The following XIST variants were observed in gnomAD, a reference collection of about 807,000 sequenced individuals.
XIST encodes the protein X inactive specific transcript, also known as X inactive specific transcript (non-protein coding).
At chrX:73,844,136 C>G (rs780982468) in exon 1 of XIST, 1 of 558,199 alleles carries the variant, frequency 1.8e-6, no homozygotes, top group South Asian at 2.2e-5. Context: ...GCACAAGAAC[C>G]AACATAAATG....
Position 73,845,978 on chromosome X carries a change from A to G in XIST, n.6746T>C, listed in dbSNP as rs778075905. On this transcript the variant is annotated non_coding_transcript_exon_variant, in exon 1 of 6. Transcript: ENST00000429829. The stretch of plus-strand genomic sequence containing the variant: ...AGGACCTTATTCAGATGGAATGGGC[A>G]AAGTGGTTATGCACATTAATGTCCA... 7.4e-6 allele frequency: 4 copies of G among 540,024 alleles called. No individual in the cohort carries two copies. In the South Asian group the frequency reaches 9.0e-5, roughly 12 times the overall value. The allele number at this position is 540,024 out of a possible 1,213,427, so 44.5% of individuals were successfully genotyped here.
chrX:73,843,173 T>G (rs375166473), exon 1 of XIST: 1 of 556,363 alleles, frequency 1.8e-6, no homozygotes, highest in Non-Finnish European at 3.2e-6. Context: ...AGGAGAAGTT[T>G]TGAGTAGTCA....
At chrX:73,833,496 T>G (rs772810283) in intron 2 of XIST, 1 of 415,368 alleles carries the variant, frequency 2.4e-6, no homozygotes, top group East Asian at 3.7e-5. Flanking sequence ...CATAGGTATC[T>G]CCTGTCTCTA....
chrX:73,825,260 A>T lies in XIST; in HGVS notation n.14641T>A, dbSNP rs1382719934. ...CATTTTTACTCAAAATTACCAGAGC[A>T]GCAAACACAAATTGGCCTCAAATAT... On this transcript the variant is annotated non_coding_transcript_exon_variant, in exon 6 of 6. Transcript: ENST00000429829. 5.4e-6 allele frequency: 3 copies of T among 559,316 alleles called. No homozygotes were observed. In the Admixed American group the frequency reaches 6.6e-5, roughly 12 times the overall value. 46.1% of individuals were successfully genotyped at this position (559,316 alleles called of 1,213,427 possible).
At chrX:73,841,361 T>C (rs984649420) in intron 1 of XIST, 1 of 466,208 alleles carries the variant, frequency 2.1e-6, no homozygotes, top group African/African-American at 2.4e-5. Flanking sequence ...GATTACTTAA[T>C]AGCTACGAAG....
rs192739877 is a variant in XIST at position 73,832,829 on chromosome X, T to C, written n.11543+409A>G. On this transcript the variant is annotated intron_variant and non_coding_transcript_variant, in intron 3 of 5. Coordinates refer to ENST00000429829, the Ensembl canonical transcript of XIST. The stretch of plus-strand genomic sequence containing the variant: ...ACTCATTATGTAAAGTTAAAATGTA[T>C]GTGTACATGCAAAAGAAAAAGTATA... Among the ~76,000 whole-genome samples, 3 of 111,176 alleles carry C rather than the reference T, an allele frequency of 2.7e-5. No homozygotes were observed. In the East Asian group the frequency reaches 8.5e-4, roughly 31 times the overall value.
At chrX:73,832,853 T>C (rs1001480275) in intron 3 of XIST, among the ~76,000 whole-genome samples, 1 of 110,699 alleles carries the variant, frequency 9.0e-6, no homozygotes, top group African/African-American at 3.3e-5. Context: ...AGAAAAAGTA[T>C]AGGAATTGAT....
At chrX:73,851,172 T>G (rs1922929860) in exon 1 of XIST, 1 of 557,933 alleles carries the variant, frequency 1.8e-6, no homozygotes, top group East Asian at 3.3e-5. Flanking sequence ...TCCCACCTTT[T>G]CTCCCGCTCT....
chrX:73,823,552 G>A (rs755444111), exon 6 of XIST: 1 of 557,435 alleles, frequency 1.8e-6, no homozygotes, highest in Admixed American at 2.2e-5. Context: ...GAATCAAAAA[G>A]CACGCCTGAG....
chrX:73,849,342 A>C, exon 1 of XIST: 1 of 559,109 alleles, frequency 1.8e-6, no homozygotes, highest in Non-Finnish European at 3.2e-6. Flanking sequence ...CCCCCTGCTG[A>C]ATGCAAATGG....
chrX:73,826,565 G>C lies in XIST; in HGVS notation n.13336C>G, dbSNP rs776126266. The C allele has an allele frequency of 1.1e-5, 6 of 557,378 alleles. No homozygotes were observed. The South Asian group carries it at 1.3e-4, about 12-fold the overall frequency. The allele number at this position is 557,378 out of a possible 1,213,427, so 45.9% of individuals were successfully genotyped here. A position where few individuals can be genotyped will look rare whatever the true frequency, so the allele number is the denominator to read the frequency against. ...CAAAAAGTACATCTCAAAAGAATCA[G>C]GCTTAAAGATAAACAGGAGAACTGG... On this transcript the variant is annotated non_coding_transcript_exon_variant, in exon 6 of 6. Transcript: ENST00000429829.
At chrX:73,851,779 A>C in exon 1 of XIST, 1 of 558,996 alleles carries the variant, frequency 1.8e-6, no homozygotes, top group Non-Finnish European at 3.2e-6. Flanking sequence ...AACTTAGCAC[A>C]AACGACTAGC....
chrX:73,825,092 C>T, exon 6 of XIST: 2 of 515,226 alleles, frequency 3.9e-6, no homozygotes, highest in Middle Eastern at 3.1e-4. Flanking sequence ...GAATACTTTT[C>T]CCCCTTTGGT....
chrX:73,851,658 C>G, exon 1 of XIST: 1 of 558,978 alleles, frequency 1.8e-6, no homozygotes, highest in Non-Finnish European at 3.2e-6. Context: ...ACAACAATCA[C>G]GCAAAGCTCC....
At chrX:73,848,338 G>C (rs770160269) in exon 1 of XIST, 8 of 555,954 alleles carry the variant, frequency 1.4e-5, no homozygotes, top group South Asian at 2.3e-5. Flanking sequence ...GCACCCTCTT[G>C]ATGTAAAGCA....
chrX:73,829,111 T>C, exon 5 of XIST: 2 of 558,914 alleles, frequency 3.6e-6, no homozygotes, highest in Non-Finnish European at 3.2e-6. Flanking sequence ...GGCATGTTGA[T>C]CTTCAGGTGG....
chrX:73,852,120 C>T (rs1175051748), exon 1 of XIST: 5 of 508,683 alleles, frequency 9.8e-6, no homozygotes, highest in Non-Finnish European at 1.7e-5. Flanking sequence ...AAAAAAAAAG[C>T]AGGTATCCGA....
At chrX:73,843,797 G>T (rs1922662099) in exon 1 of XIST, 7 of 558,733 alleles carry the variant, frequency 1.3e-5, no homozygotes, top group Non-Finnish European at 2.3e-5. Context: ...GCACAGATCA[G>T]GAGCAAATGT....
At chrX:73,846,545 T>C (rs1342451544) in exon 1 of XIST, 3 of 559,105 alleles carry the variant, frequency 5.4e-6, no homozygotes, top group Middle Eastern at 3.1e-4. Context: ...TCACATGGAA[T>C]GAGCAGTGTG....
Sources: gnomAD v4.1 joint callset for allele counts (sites outside exome capture counted in the v4.1 genomes callset) on GRCh38, gnomAD v4.1.1 for gene constraint, MANE v1.5 for transcripts, NCBI Gene and HGNC (gene_info 2026-07-23, HGNC 2026-07-21) for gene names.